Variants in LIN9 observed in about 807,000 individuals in gnomAD.
LIN9 encodes lin-9 DREAM MuvB core complex component.
In LIN9, 18 loss-of-function variants were observed where a neutral mutation model predicts 78.0. The ratio of observed to expected loss-of-function variants is 0.23; its 90% confidence interval spans 0.16 to 0.34. LIN9 has a LOEUF of 0.34. LIN9 is among the 10% of genes least tolerant of loss of function. The pLI is 1.00. For missense variants in LIN9, 451 were observed against 644.1 expected, an observed-to-expected ratio of 0.70 and a Z score of 3.25; for synonymous variants, 192 against 215.2, an observed-to-expected ratio of 0.89 and a Z score of 0.94.
intron 6 of LIN9, among the ~76,000 whole-genome samples, chr1:226,284,398 CTT>C (rs1246366050): frequency 6.6e-6 from 1 of 152,096 alleles, no homozygotes; most frequent in African/African-American, 2.4e-5. Context: ...TTTCTCCCCT[CTT>C]ATATGTGAAT....
intron 4 of LIN9, among the ~76,000 whole-genome samples, chr1:226,289,838 G>GGA (rs1553283396): frequency 1.7e-5 from 1 of 59,108 alleles, no homozygotes; most frequent in Non-Finnish European, 3.6e-5. Flanking sequence ...GTCCTCCGGG[G>GGA]GGGGGGGTGG....
chr1:226,261,741 G>A lies in LIN9; in HGVS notation c.1038+3792C>T, dbSNP rs576642420. 1.9e-4 allele frequency among the ~76,000 whole-genome samples: 29 copies of A among 152,208 alleles called. No individual in the cohort carries two copies. In the Middle Eastern group the frequency reaches 0.01, roughly 54 times the overall value. ...ATTCAATACAAGTCAAAATCCCAGC[G>A]AGTTGTTTTATGGATATTGACAAAA... is the stretch of plus-strand genomic sequence containing the variant. On this transcript the variant is annotated intron_variant, in intron 10 of 14. Coordinates refer to ENST00000681046, the MANE Select transcript of LIN9 (RefSeq NM_001366245.2).
chr1:226,263,633 T>A (rs1659734980), intron 10 of LIN9, among the ~76,000 whole-genome samples: 1 of 152,184 alleles, frequency 6.6e-6, no homozygotes, highest in Admixed American at 6.5e-5. Context: ...CTTCTACTAT[T>A]TAAAAGAAAA....
At chr1:226,247,928 C>A (rs1658592882) in intron 11 of LIN9, among the ~76,000 whole-genome samples, 1 of 152,142 alleles carries the variant, frequency 6.6e-6, no homozygotes, top group Non-Finnish European at 1.5e-5. Flanking sequence ...CTCGCCTTGG[C>A]CTCCCAAAGT....
chr1:226,283,014 G>A (rs1416114152), intron 6 of LIN9, among the ~76,000 whole-genome samples: 1 of 152,128 alleles, frequency 6.6e-6, no homozygotes, highest in African/African-American at 2.4e-5. Context: ...TGGAGTGCAA[G>A]GGGGCAATCA....
At chr1:226,256,793 C>T (rs938130133) in intron 10 of LIN9, among the ~76,000 whole-genome samples, 3 of 151,796 alleles carry the variant, frequency 2.0e-5, no homozygotes, top group Non-Finnish European at 2.9e-5. Context: ...CTCCTGACCT[C>T]GTGATCTGCC....
intron 4 of LIN9, among the ~76,000 whole-genome samples, chr1:226,293,922 T>G (rs757000100): frequency 6.6e-6 from 1 of 152,204 alleles, no homozygotes; most frequent in Non-Finnish European, 1.5e-5. Context: ...CTACAGAACA[T>G]GAACATATTT....
At chr1:226,308,439 G>C (rs1006541407) in intron 1 of LIN9, among the ~76,000 whole-genome samples, 2 of 152,180 alleles carry the variant, frequency 1.3e-5, no homozygotes, top group Non-Finnish European at 2.9e-5. Context: ...AAGTCTGCGG[G>C]ACGGGGTCTA....
At chr1:226,236,214 C>G (rs1214330840) in intron 12 of LIN9, among the ~76,000 whole-genome samples, 2 of 151,464 alleles carry the variant, frequency 1.3e-5, no homozygotes, top group Non-Finnish European at 2.9e-5. Flanking sequence ...CATAAAAGTA[C>G]ACAAATCGTA....
At chr1:226,283,468 C>T (rs186603502) in intron 6 of LIN9, among the ~76,000 whole-genome samples, 15 of 151,708 alleles carry the variant, frequency 9.9e-5, no homozygotes, top group Admixed American at 8.5e-4. Flanking sequence ...CGTTACCTGA[C>T]ATTTTCTTAT....
In LIN9 at chr1:226,241,750, C is replaced by T. The variant is rs144099737; in HGVS notation, c.1120-2654G>A. On this transcript the variant is annotated intron_variant, in intron 11 of 14. Transcript: ENST00000681046. ...GCAGGTGCCTGCAGTCCCAGCTACT[C>T]GGGAGGCTGAGGCAGGAGAATGGCA... 4.8e-3 allele frequency among the ~76,000 whole-genome samples: 733 copies of T among 151,860 alleles called. 10 individuals carry two copies. The highest frequency in any genetic ancestry group is 0.017 in the African/African-American group (700 of 41,414).
In LIN9 at chr1:226,232,548, T is replaced by C. The variant is rs1410318824; in HGVS notation, c.1582A>G (p.Met528Val). ...GCTGCAAAGGCATGTAAGTTTCCCATCTGGCTCAGGCCACTCTGAATATGT... is the reference window on the plus strand; with the variant it reads ...GCTGCAAAGGCATGTAAGTTTCCCACCTGGCTCAGGCCACTCTGAATATGT... ...VAHIQSGLSQ[M>V]GNLHAFAANN... Residue 528 changes from methionine (M) to valine (V), a missense_variant, in exon 15 of 15, where the codon ATG becomes GTG. Met to Val is a conservative substitution (Grantham distance 21). Transcript: ENST00000681046. 1 of 1,612,582 alleles carries C rather than the reference T, an allele frequency of 6.2e-7. No individual in the cohort carries two copies. The highest frequency in any genetic ancestry group is 8.5e-7 in the Non-Finnish European group (1 of 1,179,156).
chr1:226,286,291 G>C (rs1661375481), intron 6 of LIN9, 42 bp downstream of exon 6: 1 of 1,588,690 alleles, frequency 6.3e-7, no homozygotes, highest in Admixed American at 1.8e-5. Context: ...ACTGCTACTG[G>C]CTTGATTTTA....
chr1:226,296,153 T>A (rs776758755), intron 3 of LIN9, among the ~76,000 whole-genome samples: 1 of 152,226 alleles, frequency 6.6e-6, no homozygotes, highest in Non-Finnish European at 1.5e-5. Flanking sequence ...AAGGTGCTTA[T>A]GAATGAAATA....
chr1:226,290,363 T>G (rs1202067250), intron 4 of LIN9, among the ~76,000 whole-genome samples: 1 of 150,462 alleles, frequency 6.6e-6, no homozygotes, highest in African/African-American at 2.5e-5. Context: ...TTTTTTGAGA[T>G]GGAGTCTCGC....
intron 6 of LIN9, among the ~76,000 whole-genome samples, chr1:226,282,356 T>C (rs561936984): frequency 2.0e-5 from 3 of 152,322 alleles, no homozygotes; most frequent in African/African-American, 4.8e-5. Flanking sequence ...TTCTTGAAAG[T>C]GCTACATCAA....
intron 10 of LIN9, among the ~76,000 whole-genome samples, chr1:226,258,175 AAAAC>A (rs145801833): frequency 0.031 from 4,620 of 149,178 alleles, 174 homozygotes; most frequent in African/African-American, 0.083. Flanking sequence ...CCTGTTCTCA[AAAAC>A]AAACAAACAA....
chr1:226,237,514 C>A (rs919067065), intron 12 of LIN9, among the ~76,000 whole-genome samples: 1 of 151,780 alleles, frequency 6.6e-6, no homozygotes, highest in African/African-American at 2.4e-5. Flanking sequence ...TGCCTGTAAT[C>A]CCAGCTACTC....
chr1:226,277,185 T>C (rs1425366282), intron 7 of LIN9, among the ~76,000 whole-genome samples: 1 of 137,600 alleles, frequency 7.3e-6, no homozygotes, highest in Non-Finnish European at 1.5e-5. Context: ...CACTCCAGCC[T>C]AGGTGACAGA....
Sources: gnomAD v4.1 joint callset for allele counts (sites outside exome capture counted in the v4.1 genomes callset) on GRCh38, gnomAD v4.1.1 for gene constraint, MANE v1.5 for transcripts, NCBI Gene and HGNC (gene_info 2026-07-23, HGNC 2026-07-21) for gene names.